CHAF1B: variants seen among roughly 807,000 people sequenced by gnomAD.
The protein encoded by CHAF1B is CAF-1 subunit B.
Under a neutral mutation model 60.7 loss-of-function variants are expected in CHAF1B, and 10 were observed. The observed-to-expected ratio is 0.16, with a 90% confidence interval of 0.10 to 0.28. The LOEUF (loss-of-function observed/expected upper bound fraction) is 0.28, where lower values mean the gene tolerates loss of function less well. Among genes scored for constraint, CHAF1B ranks in the 10% least tolerant of loss-of-function variants. CHAF1B has a pLI of 1.00. For missense variants in CHAF1B, 558 were observed against 708.4 expected (o/e 0.79, Z 2.41); for synonymous variants, 261 against 266.1 (o/e 0.98, Z 0.19).
Position 36,387,682 on chromosome 21 carries a change from G to A in CHAF1B, c.211G>A (p.Val71Ile), listed in dbSNP as rs1407571107. Residue 71 changes from valine (V) to isoleucine (I), a missense_variant, in exon 3 of 14, where the codon GTT becomes ATT. This residue lies in a region of CHAF1B where 325 missense variants were observed against 493.5 expected (regional missense o/e 0.66). Transcript: ENST00000314103. The stretch of plus-strand genomic sequence containing the variant: ...TGCTCGTCATACCAAAGCCGTCAAT[G>A]TTGTGCGTTTTTCTCCAACTGGGGA... ...NLARHTKAVN[V>I]VRFSPTGEIL... 14 of 1,614,110 alleles carry A rather than the reference G, an allele frequency of 8.7e-6. No homozygotes were observed. The highest frequency in any genetic ancestry group is 1.2e-5 in the Non-Finnish European group (14 of 1,180,050).
rs3787734 is a variant in CHAF1B, at chr21:36,414,068, G to A, written c.1493+753G>A. On this transcript the variant is annotated intron_variant, in intron 12 of 13. Transcript: ENST00000314103. Reference sequence around the variant, plus strand: ...CTGCTTACATCAGTGTGGCTGGCACGCACGCCTGTGTCTGCCACTTCTACT... The same window carrying A: ...CTGCTTACATCAGTGTGGCTGGCACACACGCCTGTGTCTGCCACTTCTACT... 1.2e-4 allele frequency among the ~76,000 whole-genome samples: 18 copies of A among 150,734 alleles called. No homozygotes were observed. In the East Asian group the frequency reaches 3.7e-3, roughly 31 times the overall value.
intron 5 of CHAF1B, among the ~76,000 whole-genome samples, chr21:36,395,226 C>T (rs1028448592): frequency 6.7e-6 from 1 of 150,322 alleles, no homozygotes; most frequent in African/African-American, 2.5e-5. Context: ...ATTTTTGTAT[C>T]ATTAACAGAG....
chr21:36,396,747 G>A (rs771403110), intron 5 of CHAF1B, among the ~76,000 whole-genome samples: 62 of 151,742 alleles, frequency 4.1e-4, no homozygotes, highest in Non-Finnish European at 7.5e-4. Flanking sequence ...TATTTTCCCC[G>A]AAGTCCCTTT....
In CHAF1B at chr21:36,386,208, G is replaced by A; in HGVS notation, c.72G>A (p.Gly24=). Residue 24 remains glycine (G), a synonymous_variant, in exon 2 of 14, where the codon GGG becomes GGA. Coordinates refer to ENST00000314103, the MANE Select transcript of CHAF1B (RefSeq NM_005441.3). ...TGTACAGCCTGGACTTCCAGCATGG[G>A]ACGGCTGGGAGGATCCACAGACTGG... ...EPVYSLDFQH[G]TAGRIHRLAS... 6.2e-7 allele frequency: 1 copy of A among 1,614,186 alleles called. No individual in the cohort carries two copies. Among genetic ancestry groups the A allele is most frequent in the Non-Finnish European group, 8.5e-7 (1 of 1,180,014 alleles).
At chr21:36,405,322 T>C (rs1188558737) in intron 8 of CHAF1B, among the ~76,000 whole-genome samples, 1 of 152,168 alleles carries the variant, frequency 6.6e-6, no homozygotes, top group African/African-American at 2.4e-5. Context: ...TATATAAAAA[T>C]TCCTATCTTT....
At chr21:36,389,013 C>T (rs1427731480) in intron 3 of CHAF1B, 1 of 152,208 alleles carries the variant, frequency 6.6e-6, no homozygotes, top group East Asian at 1.9e-4. Flanking sequence ...TGTTGTAATA[C>T]CCATAGTAGC....
intron 8 of CHAF1B, among the ~76,000 whole-genome samples, chr21:36,404,161 G>A (rs887033336): frequency 1.4e-5 from 2 of 142,412 alleles, no homozygotes; most frequent in African/African-American, 5.3e-5. Flanking sequence ...GCAGTGGCAC[G>A]ATCTTGGCTC....
chr21:36,411,798 G>C (rs1037438542), intron 11 of CHAF1B, among the ~76,000 whole-genome samples, 194 bp downstream of exon 11: 1 of 151,920 alleles, frequency 6.6e-6, no homozygotes, highest in African/African-American at 2.4e-5. Flanking sequence ...GTGTGATCTC[G>C]TTTCACTGCA....
At chr21:36,410,734 C>T (rs1159881300) in intron 10 of CHAF1B, among the ~76,000 whole-genome samples, 5 of 150,434 alleles carry the variant, frequency 3.3e-5, no homozygotes, top group East Asian at 1.9e-4. Context: ...AATCTCGGCT[C>T]GTTGCAGCCT....
chr21:36,397,863 G>A (rs1255794895), intron 6 of CHAF1B: 1 of 155,726 alleles, frequency 6.4e-6, no homozygotes, highest in Non-Finnish European at 1.4e-5. Flanking sequence ...TATTAGCTGG[G>A]ATTACAGGCA....
At chr21:36,395,151 A>G (rs2086126943) in intron 5 of CHAF1B, among the ~76,000 whole-genome samples, 1 of 152,084 alleles carries the variant, frequency 6.6e-6, no homozygotes, top group Non-Finnish European at 1.5e-5. Context: ...CCCGGGTTCA[A>G]GCGATTCTCC....
chr21:36,387,588 G>T lies in CHAF1B; in HGVS notation c.127-10G>T. 1 of 1,614,042 alleles carries T rather than the reference G, an allele frequency of 6.2e-7. No individual in the cohort carries two copies. Among genetic ancestry groups the T allele is most frequent in the Non-Finnish European group, 8.5e-7 (1 of 1,179,968 alleles). ...CTATGTTTTTCAAATGAATGTGTTG[G>T]TATTGACAGATCTGGAAGGTAGAAA... On this transcript the variant is annotated splice_polypyrimidine_tract_variant and intron_variant, in intron 2 of 13. Transcript: ENST00000314103.
At chr21:36,401,941 A>G (rs2086195171) in intron 7 of CHAF1B, among the ~76,000 whole-genome samples, 4 of 151,726 alleles carry the variant, frequency 2.6e-5, no homozygotes, top group Admixed American at 6.6e-5. Flanking sequence ...GGGTTTTGCT[A>G]TGTTGGCCAG....
At position 36,412,966 on chromosome 21, in the gene CHAF1B, A is replaced by G; in HGVS notation, c.1144A>G (p.Ile382Val). ...GACATTTGAGAAAGATGAACTTGGA[A>G]TTCCTTTGAAAGAGAAGCCAGTTTT... ...FVTFEKDELG[I>V]PLKEKPVLNM... Residue 382 changes from isoleucine to valine, a missense_variant, in exon 12 of 14, where the codon ATT becomes GTT. Physicochemically the swap from Ile to Val is conservative, Grantham distance 29 (BLOSUM62 3). Coordinates refer to ENST00000314103, the MANE Select transcript of CHAF1B (RefSeq NM_005441.3). The G allele has an allele frequency of 6.2e-7, 1 of 1,614,184 alleles. No individual in the cohort carries two copies. The highest frequency in any genetic ancestry group is 8.5e-7 in the Non-Finnish European group (1 of 1,180,046).
At chr21:36,386,300 T>C (rs373321906) in intron 2 of CHAF1B, 38 bp downstream of exon 2, 4 of 1,605,550 alleles carry the variant, frequency 2.5e-6, no homozygotes, top group African/African-American at 1.3e-5. Context: ...GGAACACTGC[T>C]TGAAGCAATA....
intron 4 of CHAF1B, among the ~76,000 whole-genome samples, chr21:36,392,663 C>T (rs1458369862): frequency 1.3e-4 from 19 of 149,580 alleles, no homozygotes; most frequent in African/African-American, 3.7e-4. Flanking sequence ...GGGCGGCTGC[C>T]GGGCGGAGGG....
chr21:36,386,529 A>T (rs2086036286), intron 2 of CHAF1B, among the ~76,000 whole-genome samples: 1 of 152,134 alleles, frequency 6.6e-6, no homozygotes, highest in African/African-American at 2.4e-5. Context: ...GCTTGAGCCT[A>T]GGAGTTTGAA....
In CHAF1B at chr21:36,416,387, G is replaced by A. The variant is rs768501505; in HGVS notation, c.*21G>A. 8.7e-6 allele frequency: 14 copies of A among 1,603,888 alleles called. No individual in the cohort carries two copies. Among genetic ancestry groups the A allele is most frequent in the South Asian group, 4.4e-5 (4 of 90,162 alleles). On this transcript the variant is annotated 3_prime_UTR_variant, in exon 14 of 14. Transcript: ENST00000314103. Reference sequence around the variant, plus strand: ...CTTGATGGGACCTCGGCTTCTGCTCGAAGCCTACCAGGCTCCCGGTGTGTG... The same window carrying A: ...CTTGATGGGACCTCGGCTTCTGCTCAAAGCCTACCAGGCTCCCGGTGTGTG...
rs1250519976 is a variant in CHAF1B, at chr21:36,413,079, C to G, written c.1257C>G (p.Thr419=). ...SSPGPRPVEG[T]PASRTQDPSS... ...CAGGACCCAGACCGGTAGAGGGAAC[C>G]CCTGCCAGCAGAACCCAAGACCCCA... The change falls in exon 12 of 14, where the codon ACC becomes ACG. Residue 419 remains threonine (T), a synonymous_variant. Transcript: ENST00000314103. 4 of 1,613,990 alleles carry G rather than the reference C, an allele frequency of 2.5e-6. No individual in the cohort carries two copies. The African/African-American group carries it at 5.3e-5, about 22-fold the overall frequency.
Sources: allele counts gnomAD v4.1 joint callset (sites outside exome capture counted in the v4.1 genomes callset), GRCh38; gene constraint gnomAD v4.1.1; regional missense constraint gnomAD v4.1.1; transcripts MANE v1.5; gene names NCBI Gene and HGNC (gene_info 2026-07-23, HGNC 2026-07-21).